Variants in PVT1 observed in about 807,000 individuals in gnomAD.
The protein encoded by PVT1 is Pvt1 oncogene, also known as CXCR4/PVT1 fusion.
At chr8:127,901,401 C>T (rs1474079701) in intron 3 of PVT1, among the ~76,000 whole-genome samples, 5 of 152,142 alleles carry the variant, frequency 3.3e-5, no homozygotes, top group African/African-American at 1.2e-4. Context: ...TCTAGCAAAG[C>T]CCACAGCACA....
At chr8:128,019,190 T>C (rs1038547220) in intron 4 of PVT1, among the ~76,000 whole-genome samples, 3 of 152,214 alleles carry the variant, frequency 2.0e-5, no homozygotes, top group Non-Finnish European at 4.4e-5. Flanking sequence ...AAAAGAACTC[T>C]GAAAATGAGG....
chr8:127,867,356 C>T (rs913985144), intron 2 of PVT1, among the ~76,000 whole-genome samples: 4 of 152,242 alleles, frequency 2.6e-5, no homozygotes, highest in Admixed American at 6.5e-5. Flanking sequence ...CCCCCATTTA[C>T]TCCTCCGCAG....
At position 127,839,606 on chromosome 8, in the gene PVT1, A is replaced by G. The variant is rs544998260; in HGVS notation, n.372+43535A>G. ...AAAATAAAAAAAAATAAATAAAATAATTAAAAAAAGAGCTGGGACTTGAAG... is the reference window on the plus strand; with the variant it reads ...AAAATAAAAAAAAATAAATAAAATAGTTAAAAAAAGAGCTGGGACTTGAAG... On this transcript the variant is annotated intron_variant and non_coding_transcript_variant, in intron 2 of 10. Coordinates refer to ENST00000651587, the Ensembl canonical transcript of PVT1. Among the ~76,000 whole-genome samples, 9 of 151,598 alleles carry G rather than the reference A, an allele frequency of 5.9e-5. 1 individual carries two copies. The Middle Eastern group carries it at 0.014, about 229-fold the overall frequency.
intron 3 of PVT1, among the ~76,000 whole-genome samples, chr8:127,929,031 A>G (rs1223278869): frequency 6.6e-6 from 1 of 152,106 alleles, no homozygotes; most frequent in Non-Finnish European, 1.5e-5. Flanking sequence ...GGAGGGGAAA[A>G]TCCTCAAGTA....
intron 3 of PVT1, among the ~76,000 whole-genome samples, chr8:127,977,823 C>G (rs1037216130): frequency 6.6e-6 from 1 of 152,340 alleles, no homozygotes; most frequent in Non-Finnish European, 1.5e-5. Flanking sequence ...GGCTTCTTAT[C>G]ACTATAGGAT....
intron 4 of PVT1, among the ~76,000 whole-genome samples, chr8:128,028,503 C>T (rs1488151592): frequency 6.6e-6 from 1 of 152,244 alleles, no homozygotes; most frequent in African/African-American, 2.4e-5. Context: ...GTTCTGAGCT[C>T]TCTGAGGAGA....
At chr8:128,001,539 C>T (rs879385695) in intron 4 of PVT1, among the ~76,000 whole-genome samples, 5 of 152,082 alleles carry the variant, frequency 3.3e-5, no homozygotes, top group African/African-American at 1.2e-4. Context: ...GCCATTGGCC[C>T]CCACCAGATC....
intron 3 of PVT1, among the ~76,000 whole-genome samples, chr8:127,944,435 G>A (rs1361022925): frequency 6.6e-6 from 1 of 152,146 alleles, no homozygotes; most frequent in African/African-American, 2.4e-5. Flanking sequence ...CATACTTTCA[G>A]GTTCTTTGTC....
At chr8:128,096,854 C>T (rs1814435248) in intron 6 of PVT1, among the ~76,000 whole-genome samples, 1 of 152,204 alleles carries the variant, frequency 6.6e-6, no homozygotes, top group Non-Finnish European at 1.5e-5. Context: ...TCTTAAACTG[C>T]GATGGGAATG....
intron 2 of PVT1, among the ~76,000 whole-genome samples, chr8:127,832,746 T>G (rs1814866930): frequency 6.6e-6 from 1 of 151,998 alleles, no homozygotes; most frequent in Non-Finnish European, 1.5e-5. Context: ...TAGTCCCAGC[T>G]ACTTGGGAGG....
intron 2 of PVT1, among the ~76,000 whole-genome samples, chr8:127,871,540 A>C (rs372781854): frequency 6.6e-6 from 1 of 152,148 alleles, no homozygotes; most frequent in South Asian, 2.1e-4. Context: ...CCTTAGGCAG[A>C]GTCCACCAGA....
intron 3 of PVT1, among the ~76,000 whole-genome samples, chr8:127,984,861 CTT>C (rs1194200197): frequency 1.8e-5 from 1 of 55,130 alleles, no homozygotes; most frequent in Admixed American, 2.5e-4. Flanking sequence ...TTCTTTCTTT[CTT>C]TCTTTCTTTC....
chr8:128,089,071 G>A (rs1814314524), intron 5 of PVT1, among the ~76,000 whole-genome samples: 1 of 152,198 alleles, frequency 6.6e-6, no homozygotes, highest in Non-Finnish European at 1.5e-5. Context: ...TTTGCTGGAG[G>A]GAGGGAAATT....
chr8:127,973,759 A>G (rs1341176810), intron 3 of PVT1, among the ~76,000 whole-genome samples: 1 of 9,568 alleles, frequency 1.0e-4, no homozygotes, highest in Non-Finnish European at 1.7e-4. Flanking sequence ...TGGGTGGATC[A>G]ACGAGGTCAG....
At chr8:127,816,627 G>T (rs938468191) in intron 2 of PVT1, among the ~76,000 whole-genome samples, 9 of 151,702 alleles carry the variant, frequency 5.9e-5, no homozygotes, top group African/African-American at 1.2e-4. Flanking sequence ...GGGTTCAAGC[G>T]ATTCTCCTGC....
At chr8:127,908,752 G>A (rs1364316942) in intron 3 of PVT1, among the ~76,000 whole-genome samples, 3 of 152,208 alleles carry the variant, frequency 2.0e-5, no homozygotes, top group Non-Finnish European at 4.4e-5. Flanking sequence ...CTTTGAGTCG[G>A]ATGGAGGAAC....
intron 2 of PVT1, among the ~76,000 whole-genome samples, chr8:127,849,210 T>A (rs537512270): frequency 6.6e-6 from 1 of 152,066 alleles, no homozygotes; most frequent in Non-Finnish European, 1.5e-5. Flanking sequence ...CCTGGAGGTT[T>A]TAGGCTGGCA....
intron 2 of PVT1, among the ~76,000 whole-genome samples, chr8:127,871,863 C>T (rs1394687249): frequency 6.6e-6 from 1 of 152,094 alleles, no homozygotes; most frequent in African/African-American, 2.4e-5. Flanking sequence ...CCAAGGCAGG[C>T]GGATCCCCTG....
At chr8:127,892,195 A>G (rs1324555118) in intron 3 of PVT1, among the ~76,000 whole-genome samples, 1 of 152,164 alleles carries the variant, frequency 6.6e-6, no homozygotes. Context: ...AAGGTAAATA[A>G]TGTCCCTCTG....
Sources: allele counts gnomAD v4.1 joint callset (sites outside exome capture counted in the v4.1 genomes callset), GRCh38; gene constraint gnomAD v4.1.1; transcripts MANE v1.5; gene names NCBI Gene and HGNC (gene_info 2026-07-23, HGNC 2026-07-21).